PARN: variants seen among roughly 807,000 people sequenced by gnomAD.
The protein encoded by PARN is poly(A)-specific ribonuclease PARN.
Under a neutral mutation model 102.8 loss-of-function variants are expected in PARN, and 71 were observed. That is an observed-to-expected ratio of 0.69 (90% confidence interval 0.57 to 0.84). The LOEUF is 0.84. Ranked by LOEUF, PARN falls within the 40% of genes least tolerant of loss-of-function variation. The pLI, the probability that PARN is intolerant of heterozygous loss-of-function variation, is 0.00. For missense variants in PARN, 782 were observed against 760.9 expected, an observed-to-expected ratio of 1.03 and a Z score of -0.33; for synonymous variants, 261 against 252.9, an observed-to-expected ratio of 1.03 and a Z score of -0.30.
chr16:14,586,253 A>T, intron 14 of PARN, 65 bp downstream of exon 14: 1 of 870,610 alleles, frequency 1.1e-6, no homozygotes, highest in Non-Finnish European at 1.9e-6. Context: ...GTGGGATTAT[A>T]GGTGTGAGCC....
intron 13 of PARN, among the ~76,000 whole-genome samples, chr16:14,588,142 A>C (rs1191589438): frequency 1.7e-4 from 26 of 152,268 alleles, no homozygotes; most frequent in Non-Finnish European, 1.5e-5. Context: ...TGGAGAAGGC[A>C]AAAGCTGCAC....
chr16:14,575,205 G>A (rs760150907), intron 18 of PARN, among the ~76,000 whole-genome samples: 8 of 152,170 alleles, frequency 5.3e-5, no homozygotes, highest in Non-Finnish European at 1.2e-4. Context: ...GTCCCTACTG[G>A]GGCACCACCT....
chr16:14,612,386 G>A (rs1267077838), intron 6 of PARN, among the ~76,000 whole-genome samples: 1 of 151,874 alleles, frequency 6.6e-6, no homozygotes, highest in African/African-American at 2.4e-5. Context: ...ACAGTGAGCC[G>A]AGATCGTGCC....
intron 21 of PARN, among the ~76,000 whole-genome samples, chr16:14,497,795 C>A: frequency 6.6e-6 from 1 of 152,160 alleles, no homozygotes; most frequent in South Asian, 2.1e-4. Flanking sequence ...TTAACTGTGT[C>A]TCTGTGGATG....
At chr16:14,526,172 A>T in intron 21 of PARN, among the ~76,000 whole-genome samples, 1 of 147,236 alleles carries the variant, frequency 6.8e-6, no homozygotes. Flanking sequence ...TAAATAAATC[A>T]TCCACTGTTT....
intron 22 of PARN, among the ~76,000 whole-genome samples, chr16:14,480,940 A>AAAATAAATAAATAAATAAAT (rs34273832): frequency 6.7e-6 from 1 of 148,982 alleles, no homozygotes; most frequent in Non-Finnish European, 1.5e-5. Context: ...CCTGCCTCAA[A>AAAATAAATAAATAAATAAAT]AAATAAATAA....
chr16:14,532,287 G>A (rs12445543), intron 21 of PARN, among the ~76,000 whole-genome samples: 31,722 of 149,622 alleles, frequency 0.21, 3,764 homozygotes, highest in Middle Eastern at 0.31. Flanking sequence ...ACAAGTGAAC[G>A]AAGTTCTCTG....
intron 18 of PARN, among the ~76,000 whole-genome samples, chr16:14,565,623 C>A (rs1408069806): frequency 6.6e-6 from 1 of 152,256 alleles, no homozygotes; most frequent in East Asian, 1.9e-4. Context: ...CTTTTACAGT[C>A]TGTGCTCAGG....
intron 22 of PARN, among the ~76,000 whole-genome samples, chr16:14,459,937 CA>C (rs1310598687): frequency 1.3e-5 from 2 of 152,074 alleles, no homozygotes; most frequent in African/African-American, 2.4e-5. Flanking sequence ...TATCTATATG[CA>C]AAAAATAAAC....
chr16:14,530,507 C>T (rs1472206459), intron 21 of PARN, among the ~76,000 whole-genome samples: 3 of 151,478 alleles, frequency 2.0e-5, no homozygotes, highest in Non-Finnish European at 4.4e-5. Context: ...CACACACATA[C>T]ATCTGTACGT....
intron 21 of PARN, among the ~76,000 whole-genome samples, chr16:14,499,022 C>T (rs1964455211): frequency 6.6e-6 from 1 of 152,242 alleles, no homozygotes; most frequent in Non-Finnish European, 1.5e-5. Context: ...AAGTCCCATC[C>T]TGCCTGGGCA....
At chr16:14,587,024 C>T (rs1243689830) in intron 13 of PARN, among the ~76,000 whole-genome samples, 1 of 152,156 alleles carries the variant, frequency 6.6e-6, no homozygotes, top group Non-Finnish European at 1.5e-5. Flanking sequence ...TTTGAATTAA[C>T]TCATTTACAT....
intron 5 of PARN, among the ~76,000 whole-genome samples, chr16:14,623,604 A>G (rs1053940420): frequency 6.6e-6 from 1 of 152,124 alleles, no homozygotes; most frequent in African/African-American, 2.4e-5. Context: ...TGGAAGGCCA[A>G]GGCGGGTGGA....
chr16:14,481,630 T>C (rs1406298245), intron 22 of PARN, among the ~76,000 whole-genome samples: 1 of 152,248 alleles, frequency 6.6e-6, no homozygotes, highest in Non-Finnish European at 1.5e-5. Context: ...ATTTTAATCA[T>C]ACCTCAATTT....
chr16:14,517,275 ACTGAGG>A (rs1347949124), intron 21 of PARN, among the ~76,000 whole-genome samples: 1 of 152,232 alleles, frequency 6.6e-6, no homozygotes, highest in East Asian at 1.9e-4. Context: ...CATAATGCAA[ACTGAGG>A]CTTGCAGGGT....
intron 18 of PARN, among the ~76,000 whole-genome samples, chr16:14,561,157 CAAA>C (rs749716960): frequency 1.0e-4 from 6 of 57,172 alleles, no homozygotes; most frequent in Non-Finnish European, 1.1e-4. Flanking sequence ...AACTCCGTCT[CAAA>C]AAAAAAAAAA....
intron 21 of PARN, among the ~76,000 whole-genome samples, chr16:14,521,679 T>C (rs889064394): frequency 2.6e-5 from 4 of 151,796 alleles, no homozygotes; most frequent in African/African-American, 7.3e-5. Flanking sequence ...ATGCCTGTAA[T>C]CCCAGCTACA....
intron 18 of PARN, among the ~76,000 whole-genome samples, chr16:14,565,253 G>C (rs1266578580): frequency 6.6e-6 from 1 of 152,124 alleles, no homozygotes. Context: ...TGGCTAGATG[G>C]GAGTGACTGT....
chr16:14,461,873 G>A (rs1962003013), intron 22 of PARN, among the ~76,000 whole-genome samples: 1 of 152,206 alleles, frequency 6.6e-6, no homozygotes. Context: ...ATGTTTTGCT[G>A]TCTGAGTGAA....
Sources: allele counts gnomAD v4.1 joint callset (sites outside exome capture counted in the v4.1 genomes callset), GRCh38; gene constraint gnomAD v4.1.1; transcripts MANE v1.5; gene names NCBI Gene and HGNC (gene_info 2026-07-23, HGNC 2026-07-21).